SPATA31C2: variants seen among roughly 807,000 people sequenced by gnomAD.
SPATA31C2 encodes the protein spermatogenesis-associated protein 31C2.
In SPATA31C2, 5 loss-of-function variants were observed where a neutral mutation model predicts 11.4. The ratio of observed to expected loss-of-function variants is 0.44; its 90% CI spans 0.23 to 0.92. The LOEUF (loss-of-function observed/expected upper bound fraction) is 0.92. Among genes scored for constraint, SPATA31C2 ranks in the 40% least tolerant of loss-of-function variants. The probability of loss-of-function intolerance (pLI) is 0.24; values close to 1 mark genes in which losing one functional copy is unlikely to be tolerated. For missense variants in SPATA31C2, 1,353 were observed against 1,368.6 expected, an observed-to-expected ratio of 0.99 and a Z score of 0.18; for synonymous variants, 515 against 538.7, an observed-to-expected ratio of 0.96 and a Z score of 0.61.
intron 2 of SPATA31C2, 110 bp from the exon 3 acceptor site, chr9:88,133,136 C>T: frequency 1.2e-6 from 1 of 869,290 alleles, no homozygotes; most frequent in Non-Finnish European, 1.5e-6. Flanking sequence ...CTGGAACCCA[C>T]CCATCTGTGT....
Position 88,132,022 on chromosome 9 carries a change from A to G in SPATA31C2, c.1015T>C (p.Ser339Pro), listed in dbSNP as rs1173628938. ...LEPESQPFIS[S>P]TPQFWPTPMA... is the part of the protein sequence containing the mutation. ...GGTGTGGGCCAGAATTGGGGTGTGG[A>G]TGAAATAAAGGGTTGGGACTCAGGC... Residue 339 changes from serine to proline, a missense_variant, in exon 4 of 4, where the codon TCC becomes CCC. Transcript: ENST00000324915. 3.7e-6 allele frequency: 6 copies of G among 1,610,952 alleles called. No homozygotes were observed. Among genetic ancestry groups the G allele is most frequent in the South Asian group, 3.3e-5 (3 of 91,040 alleles).
At position 88,130,935 on chromosome 9, in the gene SPATA31C2, A is replaced by G. The variant is rs781756590; in HGVS notation, c.2102T>C (p.Val701Ala). Residue 701 changes from valine to alanine, a missense_variant, in exon 4 of 4, where the codon GTT (valine) becomes GCT (alanine). Around this residue, in one of 6 missense-constraint regions of SPATA31C2, gnomAD observed 1,075 missense variants for 992.8 expected, o/e 1.08. Coordinates refer to ENST00000324915, the MANE Select transcript of SPATA31C2 (RefSeq NM_001350978.3). ...CTCTCCAAGGAACGTGGCCACCTCA[A>G]CTTTTGAGCCAGCCCCAGATTCGCA... ...DTCESGAGSK[V>A]EVATFLGEPP... 85 of 1,613,466 alleles carry G rather than the reference A, an allele frequency of 5.3e-5. No individual in the cohort carries two copies. The highest frequency in any genetic ancestry group is 1.9e-4 in the South Asian group (17 of 91,068).
intron 1 of SPATA31C2, among the ~76,000 whole-genome samples, chr9:88,136,350 G>A (rs1461323641): frequency 5.2e-5 from 7 of 134,670 alleles, no homozygotes; most frequent in African/African-American, 1.5e-4. Context: ...GTGAAATATC[G>A]GTTCGTGCCT....
In SPATA31C2 at chr9:88,138,312, G is replaced by GT; in HGVS notation, c.134dup (p.Tyr45Ter). 7.2e-7 allele frequency: 1 copy of GT among 1,396,382 alleles called. No individual in the cohort carries two copies. Among genetic ancestry groups the GT allele is most frequent in the South Asian group, 1.3e-5 (1 of 76,542 alleles). 86.5% of individuals were successfully genotyped at this position (1,396,382 alleles called of 1,614,324 possible). A position where few individuals can be genotyped will look rare whatever the true frequency, so the allele number is the denominator to read the frequency against. ...GGTTGTCACAACGGAGGTAAGAGAA[G>GT]TAGGGGAGTAATAGGAAGAAGAACC... ...ALGFFFLLLP[Y>*]FSYLRCDNPP... The change falls in exon 1 of 4, where the codon TAC becomes TAAC. Residue 45 changes from tyrosine to a stop codon, truncating the protein, a stop_gained and frameshift_variant. Transcript: ENST00000324915. LOFTEE classifies it high-confidence loss of function.
Position 88,132,631 on chromosome 9 carries a change from T to C in SPATA31C2, c.406A>G (p.Thr136Ala), listed in dbSNP as rs746596231. Residue 136 changes from threonine to alanine, a missense_variant, in exon 4 of 4, where the codon ACA (threonine) becomes GCA (alanine). Thr to Ala is a moderately conservative substitution (Grantham distance 58). Coordinates refer to ENST00000324915, the MANE Select transcript of SPATA31C2 (RefSeq NM_001350978.3). ...GAGGACCGGGAGGCTCCATCAGGTG[T>C]TCTTTTGCCCACCTCACCTGGCGGG... is the stretch of plus-strand genomic sequence containing the variant. ...PDPPGEVGKR[T>A]PDGASRSSHE... is the part of the protein sequence containing the mutation. 5.6e-6 allele frequency: 9 copies of C among 1,609,486 alleles called. No individual in the cohort carries two copies. In the Admixed American group the frequency reaches 1.3e-4, roughly 24 times the overall value.
rs149418072 is a variant in SPATA31C2, at chr9:88,136,512, A to T, written c.189+1746T>A. 2.3e-3 allele frequency among the ~76,000 whole-genome samples: 331 copies of T among 146,756 alleles called. 20 individuals are homozygous for T. Among genetic ancestry groups the T allele is most frequent in the Non-Finnish European group, 3.7e-3 (247 of 66,558 alleles). On this transcript the variant is annotated intron_variant, in intron 1 of 3. Transcript: ENST00000324915. ...TCCAGTTTTTACCCTGTCTTTATTA[A>T]CAGGCTCTTATGCAGGGCAAAAGTT... is the stretch of plus-strand genomic sequence containing the variant.
chr9:88,131,860 C>T lies in SPATA31C2; in HGVS notation c.1177G>A (p.Glu393Lys), dbSNP rs1265731960. ...QNKVQALSLPETQHPERPLLK... is the reference protein window; with the variant it reads ...QNKVQALSLPKTQHPERPLLK... ...AAAGGCCTTTCAGGGTGCTGAGTTT[C>T]AGGTAGGGAGAGAGCTTGCACTTTA... The change falls in exon 4 of 4, where the codon GAA becomes AAA. Residue 393 changes from glutamate (E) to lysine (K), a missense_variant. Physicochemically the swap from Glu to Lys is moderately conservative, Grantham distance 56 (BLOSUM62 1). This residue lies in a region of SPATA31C2 where 1,075 missense variants were observed against 992.8 expected (regional missense o/e 1.08). Coordinates refer to ENST00000324915, the MANE Select transcript of SPATA31C2 (RefSeq NM_001350978.3). The T allele has an allele frequency of 1.2e-6, 2 of 1,611,024 alleles. No individual in the cohort carries two copies. Among genetic ancestry groups the T allele is most frequent in the Non-Finnish European group, 1.7e-6 (2 of 1,179,148 alleles).
rs968412554 is a variant in SPATA31C2, at chr9:88,137,880, G to C, written c.189+378C>G. 1.1e-4 allele frequency among the ~76,000 whole-genome samples: 11 copies of C among 101,922 alleles called. 3 individuals are homozygous for C. The East Asian group carries it at 1.8e-3, about 17-fold the overall frequency. 66.9% of individuals were successfully genotyped at this position (101,922 alleles called of 152,430 possible). On this transcript the variant is annotated intron_variant, in intron 1 of 3. Coordinates refer to ENST00000324915, the MANE Select transcript of SPATA31C2 (RefSeq NM_001350978.3). ...GGTCCCGAGCCACCTGCCCCAGGAA[G>C]GGACTGATGAGCCAGGGCTCAGGGC...
At chr9:88,134,754 T>TGAGA in intron 1 of SPATA31C2, 1 of 1,586,554 alleles carries the variant, frequency 6.3e-7, no homozygotes, top group Non-Finnish European at 8.6e-7. Flanking sequence ...GGGTCTGGAC[T>TGAGA]GAGAGCTCCT....
rs760213069 is a variant in SPATA31C2, at chr9:88,133,557, A to T, written c.265+37T>A. The stretch of plus-strand genomic sequence containing the variant: ...GTCAGTTCCCTCCCGGACAGATGAG[A>T]TCAAATTAACTCTAGTGTGCCCTGG... On this transcript the variant is annotated intron_variant, in intron 2 of 3. Coordinates refer to ENST00000324915, the MANE Select transcript of SPATA31C2 (RefSeq NM_001350978.3). 9.6e-6 allele frequency: 15 copies of T among 1,568,322 alleles called. No individual in the cohort carries two copies. The East Asian group carries it at 3.1e-4, about 32-fold the overall frequency.
Position 88,131,115 on chromosome 9 carries a change from C to A in SPATA31C2, c.1922G>T (p.Cys641Phe). The change falls in exon 4 of 4, where the codon TGT becomes TTT. Residue 641 changes from cysteine (C) to phenylalanine (F), a missense_variant. Transcript: ENST00000324915. ...TAQVLSFLEP[C>F]TQQVLGAHIV... ...ATGGGCTCCCAGCACCTGCTGAGTACACGGCTCAAGGAAGGAAAGCACCTG... is the reference window on the plus strand; with the variant it reads ...ATGGGCTCCCAGCACCTGCTGAGTAAACGGCTCAAGGAAGGAAAGCACCTG... 6.2e-7 allele frequency: 1 copy of A among 1,612,044 alleles called. No homozygotes were observed. Among genetic ancestry groups the A allele is most frequent in the Non-Finnish European group, 8.5e-7 (1 of 1,179,870 alleles).
At position 88,130,282 on chromosome 9, in the gene SPATA31C2, A is replaced by G. The variant is rs906454356; in HGVS notation, c.2755T>C (p.Cys919Arg). Residue 919 changes from cysteine to arginine, a missense_variant, in exon 4 of 4, where the codon TGT becomes CGT. By Grantham distance (180) the Cys-to-Arg change is radical (BLOSUM62 -3). Transcript: ENST00000324915. Reference sequence around the variant, plus strand: ...CTCCTTCTGGCTGACATGAGGTCACATAGCTCCTGGGAAGCCTGCATGTTC... The same window carrying G: ...CTCCTTCTGGCTGACATGAGGTCACGTAGCTCCTGGGAAGCCTGCATGTTC... ...TGNMQASQELCDLMSARRSNM... is the reference protein window; with the variant it reads ...TGNMQASQELRDLMSARRSNM... 4 of 1,609,548 alleles carry G rather than the reference A, an allele frequency of 2.5e-6. No individual in the cohort carries two copies. The highest frequency in any genetic ancestry group is 3.4e-6 in the Non-Finnish European group (4 of 1,178,774).
chr9:88,133,761 C>T (rs1399358461), intron 1 of SPATA31C2, 92 bp from the exon 2 acceptor site: 4 of 1,561,548 alleles, frequency 2.6e-6, no homozygotes, highest in Non-Finnish European at 1.8e-6. Flanking sequence ...AACCGCATGG[C>T]TCTGTCTGTC....
chr9:88,136,668 G>C (rs1216321520), intron 1 of SPATA31C2, among the ~76,000 whole-genome samples: 2 of 145,634 alleles, frequency 1.4e-5, no homozygotes, highest in East Asian at 2.4e-4. Context: ...TTTACATTGA[G>C]ATGTGATCTT....
At chr9:88,136,135 G>A (rs374836334) in intron 1 of SPATA31C2, among the ~76,000 whole-genome samples, 13,184 of 118,868 alleles carry the variant, frequency 0.11, 392 homozygotes, top group East Asian at 0.29. Context: ...GGGTTTCACC[G>A]TGTTGGCCAG....
In SPATA31C2 at chr9:88,131,241, G is replaced by A. The variant is rs1171869580; in HGVS notation, c.1796C>T (p.Ser599Phe). The change falls in exon 4 of 4, where the codon TCC (serine) becomes TTC (phenylalanine). Residue 599 changes from serine to phenylalanine, a missense_variant. Transcript: ENST00000324915. ...AAAAGCCTGGTTGACAGCAAGCCAGGATCGACGCACACTCACGGGGATCAA... is the reference window on the plus strand; with the variant it reads ...AAAAGCCTGGTTGACAGCAAGCCAGAATCGACGCACACTCACGGGGATCAA... ...EGLIPVSVRR[S>F]WLAVNQAFPV... The A allele has an allele frequency of 6.8e-6, 11 of 1,611,928 alleles. No homozygotes were observed. Among genetic ancestry groups the A allele is most frequent in the Non-Finnish European group, 9.3e-6 (11 of 1,179,878 alleles).
At chr9:88,132,909 C>T (rs1825625855) in intron 3 of SPATA31C2, 57 bp downstream of exon 3, 1 of 1,342,894 alleles carries the variant, frequency 7.4e-7, no homozygotes, top group Non-Finnish European at 9.9e-7. Context: ...TGCCTGTGGC[C>T]CTGGGGTCAC....
chr9:88,131,385 A>C lies in SPATA31C2; in HGVS notation c.1652T>G (p.Leu551Arg), dbSNP rs749736071. ...TGAGTCACTCCTCAAGGGCTTCCTC[A>C]GGTTCCTTTCCGACTCCTCAGAGGT... ...GATSEESERNLRKPLRSDSGS... is the reference protein window; with the variant it reads ...GATSEESERNRRKPLRSDSGS... The change falls in exon 4 of 4, where the codon CTG becomes CGG. Residue 551 changes from leucine to arginine, a missense_variant. Transcript: ENST00000324915. The C allele has an allele frequency of 1.9e-6, 3 of 1,611,962 alleles. No individual in the cohort carries two copies. The highest frequency in any genetic ancestry group is 3.3e-5 in the Admixed American group (2 of 60,014).
chr9:88,131,141 G>T lies in SPATA31C2; in HGVS notation c.1896C>A (p.Ala632=). 1 of 1,612,022 alleles carries T rather than the reference G, an allele frequency of 6.2e-7. No homozygotes were observed. ...ACGGCTCAAGGAAGGAAAGCACCTG[G>T]GCTGTGTTCACACAGGCTTTCCTGC... is the stretch of plus-strand genomic sequence containing the variant. ...PKSRKACVNT[A]QVLSFLEPCT... Residue 632 remains alanine, a synonymous_variant, in exon 4 of 4, where the codon GCC becomes GCA. Coordinates refer to ENST00000324915, the MANE Select transcript of SPATA31C2 (RefSeq NM_001350978.3).
Sources: allele counts gnomAD v4.1 joint callset (sites outside exome capture counted in the v4.1 genomes callset), GRCh38; gene constraint gnomAD v4.1.1; regional missense constraint gnomAD v4.1.1; transcripts MANE v1.5; gene names NCBI Gene and HGNC (gene_info 2026-07-23, HGNC 2026-07-21).